The following PRKG1 variants were observed in gnomAD, a reference collection of about 807,000 sequenced individuals.
The protein encoded by PRKG1 is cGMP-dependent protein kinase 1.
A neutral mutation model predicts 88.1 loss-of-function variants in PRKG1; 35 were observed. The ratio of observed to expected loss-of-function variants is 0.40; its 90% confidence interval spans 0.30 to 0.53. The LOEUF is 0.53. PRKG1 is among the 20% of genes least tolerant of loss of function. PRKG1 has a pLI of 0.59. For synonymous variants in PRKG1, 303 were observed against 292.5 expected, an observed-to-expected ratio of 1.04 and a Z score of -0.37; for missense variants, 540 against 839.8, an observed-to-expected ratio of 0.64 and a Z score of 4.41.
At chr10:51,759,344 G>A (rs1837958290) in intron 3 of PRKG1, among the ~76,000 whole-genome samples, 1 of 151,852 alleles carries the variant, frequency 6.6e-6, no homozygotes, top group South Asian at 2.1e-4. Context: ...TCGGCTCACT[G>A]CAACCTCCAC....
At chr10:52,081,141 T>C (rs1164440951) in intron 7 of PRKG1, among the ~76,000 whole-genome samples, 2 of 152,200 alleles carry the variant, frequency 1.3e-5, no homozygotes, top group Non-Finnish European at 2.9e-5. Context: ...GTACAATGTG[T>C]GATGTTTACC....
At chr10:52,098,995 TAAC>T (rs1170078466) in intron 7 of PRKG1, among the ~76,000 whole-genome samples, 1 of 152,184 alleles carries the variant, frequency 6.6e-6, no homozygotes, top group African/African-American at 2.4e-5. Flanking sequence ...CAGAGAAATT[TAAC>T]AACAAAAATT....
chr10:51,700,230 C>A (rs13376988), intron 3 of PRKG1, among the ~76,000 whole-genome samples: 11,218 of 152,252 alleles, frequency 0.074, 437 homozygotes, highest in East Asian at 0.085. Context: ...TCTGTTGCTT[C>A]CTATAACCGC....
chr10:52,055,703 T>C (rs2133256904), intron 6 of PRKG1, among the ~76,000 whole-genome samples: 1 of 152,328 alleles, frequency 6.6e-6, no homozygotes, highest in South Asian at 2.1e-4. Flanking sequence ...CTGCATGTAC[T>C]AAGTATAGAA....
At position 51,110,639 on chromosome 10, in the gene PRKG1, T is replaced by C. The variant is rs142270422; in HGVS notation, c.311+35738T>C. Among the ~76,000 whole-genome samples the C allele has an allele frequency of 2.2e-3, 339 of 152,232 alleles. 1 individual carries two copies. The highest frequency in any genetic ancestry group is 7.9e-3 in the African/African-American group (329 of 41,560). On this transcript the variant is annotated intron_variant, in intron 1 of 17. Coordinates refer to ENST00000373980, the MANE Select transcript of PRKG1 (RefSeq NM_006258.4). ...TGATGTTTTCATTAGTATAAACATA[T>C]GCCAAAACTTATCGATTTATATATT...
chr10:51,630,790 A>G (rs547005286), intron 3 of PRKG1, among the ~76,000 whole-genome samples: 3 of 152,334 alleles, frequency 2.0e-5, no homozygotes, highest in South Asian at 2.1e-4. Flanking sequence ...CTAAAAGTTC[A>G]TGACAAATGT....
At chr10:51,238,175 G>A (rs1839048372) in intron 2 of PRKG1, among the ~76,000 whole-genome samples, 1 of 152,164 alleles carries the variant, frequency 6.6e-6, no homozygotes, top group South Asian at 2.1e-4. Context: ...AGCCAGGAAA[G>A]CACTATTTCA....
intron 4 of PRKG1, among the ~76,000 whole-genome samples, chr10:51,816,427 A>G (rs1380832300): frequency 6.6e-6 from 1 of 152,154 alleles, no homozygotes; most frequent in East Asian, 1.9e-4. Flanking sequence ...AGTAATGTCA[A>G]TTGGTGAATA....
At chr10:51,846,131 A>C (rs1840392260) in intron 4 of PRKG1, among the ~76,000 whole-genome samples, 1 of 152,132 alleles carries the variant, frequency 6.6e-6, no homozygotes, top group South Asian at 2.1e-4. Context: ...TCTAGGAATA[A>C]ATTCTGCCTG....
intron 3 of PRKG1, among the ~76,000 whole-genome samples, chr10:51,545,893 C>T (rs1842433874): frequency 6.6e-6 from 1 of 151,896 alleles, no homozygotes; most frequent in Non-Finnish European, 1.5e-5. Context: ...CCTACACCCC[C>T]ACCCAGCACC....
intron 8 of PRKG1, among the ~76,000 whole-genome samples, chr10:52,154,454 T>G (rs1838030806): frequency 6.6e-6 from 1 of 152,132 alleles, no homozygotes; most frequent in Non-Finnish European, 1.5e-5. Context: ...CAACTATACT[T>G]TGAGTAGCAC....
intron 9 of PRKG1, among the ~76,000 whole-genome samples, chr10:52,217,859 A>G (rs1840149925): frequency 6.6e-6 from 1 of 152,162 alleles, no homozygotes. Flanking sequence ...TTGCATAATA[A>G]ATGAAACTCC....
intron 1 of PRKG1, among the ~76,000 whole-genome samples, chr10:51,103,910 G>T (rs950675753): frequency 6.6e-6 from 1 of 152,162 alleles, no homozygotes; most frequent in Non-Finnish European, 1.5e-5. Flanking sequence ...AAAACAAAAT[G>T]CTCTTCAGAA....
At chr10:51,831,536 G>A (rs180775959) in intron 4 of PRKG1, among the ~76,000 whole-genome samples, 1 of 152,280 alleles carries the variant, frequency 6.6e-6, no homozygotes, top group Non-Finnish European at 1.5e-5. Flanking sequence ...TAGCCTGTGG[G>A]TAGAAAGACA....
At chr10:51,224,087 A>G (rs1184233419) in intron 2 of PRKG1, among the ~76,000 whole-genome samples, 1 of 152,212 alleles carries the variant, frequency 6.6e-6, no homozygotes, top group African/African-American at 2.4e-5. Context: ...AAATAGGAAA[A>G]GAGGCACTGC....
chr10:52,184,230 T>A (rs1174515819), intron 9 of PRKG1, among the ~76,000 whole-genome samples: 1 of 152,244 alleles, frequency 6.6e-6, no homozygotes, highest in Non-Finnish European at 1.5e-5. Flanking sequence ...AACTTTGTAT[T>A]ATTCAAGCAC....
chr10:51,615,383 G>C (rs1376595620), intron 3 of PRKG1, among the ~76,000 whole-genome samples: 2 of 152,060 alleles, frequency 1.3e-5, no homozygotes, highest in Non-Finnish European at 1.5e-5. Flanking sequence ...TCTCTTGCTA[G>C]ATTTGGGAAG....
chr10:51,104,228 A>T (rs9415718), intron 1 of PRKG1, among the ~76,000 whole-genome samples: 1 of 152,034 alleles, frequency 6.6e-6, no homozygotes, highest in East Asian at 1.9e-4. Flanking sequence ...CAGAAAAAAA[A>T]ATCATCCCCC....
At chr10:51,177,075 C>G (rs1837214934) in intron 2 of PRKG1, among the ~76,000 whole-genome samples, 1 of 152,106 alleles carries the variant, frequency 6.6e-6, no homozygotes, top group Non-Finnish European at 1.5e-5. Context: ...GTACAATATC[C>G]TCTAGTTTTT....
Sources: gnomAD v4.1 joint callset for allele counts (sites outside exome capture counted in the v4.1 genomes callset) on GRCh38, gnomAD v4.1.1 for gene constraint, MANE v1.5 for transcripts, NCBI Gene and HGNC (gene_info 2026-07-23, HGNC 2026-07-21) for gene names.